Variants in NUBPL observed in about 807,000 individuals in gnomAD.
NUBPL encodes the protein NUBP iron-sulfur cluster assembly factor, mitochondrial, also known as iron-sulfur cluster transfer protein NUBPL.
In NUBPL, 31 loss-of-function variants were observed where a neutral mutation model predicts 45.7. The observed-to-expected ratio is 0.68, with a 90% CI of 0.51 to 0.92. The LOEUF (loss-of-function observed/expected upper bound fraction) is 0.92, where lower values mean the gene tolerates loss of function less well. Ranked by LOEUF, NUBPL falls within the 40% of genes least tolerant of loss-of-function variation. The probability of loss-of-function intolerance (pLI) is 0.00; values close to 1 mark genes in which losing one functional copy is unlikely to be tolerated. For missense variants in NUBPL, 401 were observed against 398.7 expected (o/e 1.01, Z -0.05); for synonymous variants, 144 against 140.9 (o/e 1.02, Z -0.15).
chr14:31,622,571 C>T (rs2035093058), intron 4 of NUBPL, among the ~76,000 whole-genome samples: 1 of 152,192 alleles, frequency 6.6e-6, no homozygotes, highest in Non-Finnish European at 1.5e-5. Context: ...AGCCTTGGGA[C>T]ATGGCACCCT....
At chr14:31,690,518 G>A (rs2037069490) in intron 6 of NUBPL, among the ~76,000 whole-genome samples, 1 of 152,092 alleles carries the variant, frequency 6.6e-6, no homozygotes, top group Admixed American at 6.6e-5. Context: ...CTAGATCAGG[G>A]GGTTGTGAGG....
rs551270104 is a variant in NUBPL, at chr14:31,758,827, A to G, written c.514-28953A>G. 3.9e-5 allele frequency among the ~76,000 whole-genome samples: 6 copies of G among 152,314 alleles called. No homozygotes were observed. The South Asian group carries it at 6.2e-4, about 16-fold the overall frequency. ...TTGAATAAAATGATCTGTTTTACTA[A>G]TGAAGTAATTTTGCATTCTACTGTT... On this transcript the variant is annotated intron_variant, in intron 6 of 10. Transcript: ENST00000281081.
chr14:31,802,553 G>A (rs1244981237), intron 7 of NUBPL, among the ~76,000 whole-genome samples: 1 of 152,190 alleles, frequency 6.6e-6, no homozygotes, highest in African/African-American at 2.4e-5. Flanking sequence ...TGGGATTACA[G>A]GCGTGAGCCA....
chr14:31,769,684 A>G (rs1334981813), intron 6 of NUBPL, among the ~76,000 whole-genome samples: 1 of 151,212 alleles, frequency 6.6e-6, no homozygotes, highest in Non-Finnish European at 1.5e-5. Context: ...CTTCTTTGTT[A>G]TTTTGGTGCT....
chr14:31,595,318 G>C (rs2034254365), intron 3 of NUBPL, among the ~76,000 whole-genome samples: 1 of 152,138 alleles, frequency 6.6e-6, no homozygotes, highest in African/African-American at 2.4e-5. Flanking sequence ...CTGTAGGAGA[G>C]TCAGAAAAAG....
intron 4 of NUBPL, among the ~76,000 whole-genome samples, chr14:31,627,884 A>G (rs1406331944): frequency 1.3e-5 from 2 of 152,170 alleles, no homozygotes; most frequent in African/African-American, 4.8e-5. Context: ...TTAATTCATT[A>G]AAATTAGGCC....
At chr14:31,807,988 GT>G (rs1399001788) in intron 7 of NUBPL, among the ~76,000 whole-genome samples, 3 of 152,180 alleles carry the variant, frequency 2.0e-5, no homozygotes, top group African/African-American at 7.2e-5. Context: ...CTATATCTCT[GT>G]TTTGGTACCA....
At chr14:31,563,509 G>C (rs916359726) in intron 2 of NUBPL, among the ~76,000 whole-genome samples, 1 of 152,124 alleles carries the variant, frequency 6.6e-6, no homozygotes, top group African/African-American at 2.4e-5. Flanking sequence ...GTCCCGAAAA[G>C]CTGGCCCATA....
In NUBPL at chr14:31,586,132, G is replaced by A. The variant is rs550451683; in HGVS notation, c.292-13157G>A. Reference sequence around the variant, plus strand: ...ACAACACAATTGAGAATATCTAAGTGATTATGGACAAATTCAGTTGAACCA... The same window carrying A: ...ACAACACAATTGAGAATATCTAAGTAATTATGGACAAATTCAGTTGAACCA... On this transcript the variant is annotated intron_variant, in intron 3 of 10. Coordinates refer to ENST00000281081, the MANE Select transcript of NUBPL (RefSeq NM_025152.3). Among the ~76,000 whole-genome samples, 4 of 152,278 alleles carry A rather than the reference G, an allele frequency of 2.6e-5. No individual in the cohort carries two copies. The South Asian group carries it at 6.2e-4, about 24-fold the overall frequency.
intron 6 of NUBPL, among the ~76,000 whole-genome samples, chr14:31,693,804 A>T (rs2037145994): frequency 6.9e-6 from 1 of 144,616 alleles, no homozygotes; most frequent in Non-Finnish European, 1.5e-5. Flanking sequence ...CAAAATTAAA[A>T]AAAAAAAAAA....
rs2040514086 is a variant in NUBPL at position 31,850,080 on chromosome 14, C to T, written c.815-39C>T. ...GTGAGATTCAAAATGCCTATATGAA[C>T]TTTTCTGGTTCTAATGGATGTCTGC... On this transcript the variant is annotated intron_variant, in intron 9 of 10. Coordinates refer to ENST00000281081, the MANE Select transcript of NUBPL (RefSeq NM_025152.3). 4 of 1,519,860 alleles carry T rather than the reference C, an allele frequency of 2.6e-6. No homozygotes were observed. In the African/African-American group the frequency reaches 5.5e-5, roughly 21 times the overall value. The allele number at this position is 1,519,860 out of a possible 1,614,324, so 94.1% of individuals were successfully genotyped here. A position where few individuals can be genotyped will look rare whatever the true frequency, so the allele number is the denominator to read the frequency against.
intron 4 of NUBPL, among the ~76,000 whole-genome samples, chr14:31,614,519 T>C (rs1783558941): frequency 6.6e-6 from 1 of 151,960 alleles, no homozygotes; most frequent in African/African-American, 2.4e-5. Context: ...AAGTAGAACA[T>C]ATTTTTAATT....
chr14:31,600,975 T>C (rs1566439305), intron 4 of NUBPL, among the ~76,000 whole-genome samples: 1 of 152,122 alleles, frequency 6.6e-6, no homozygotes, highest in Non-Finnish European at 1.5e-5. Flanking sequence ...TACATTTGGC[T>C]AGCCAGTTTT....
chr14:31,621,095 G>A (rs1380331387), intron 4 of NUBPL, among the ~76,000 whole-genome samples: 1 of 152,148 alleles, frequency 6.6e-6, no homozygotes, highest in Non-Finnish European at 1.5e-5. Flanking sequence ...GGGTAAAACC[G>A]CCTACTCAGG....
chr14:31,655,214 G>A (rs770458927), intron 4 of NUBPL, among the ~76,000 whole-genome samples: 13 of 152,292 alleles, frequency 8.5e-5, no homozygotes, highest in South Asian at 6.2e-4. Context: ...TGATAGATCC[G>A]TTAGAGGAAT....
chr14:31,662,823 C>T (rs961917081), intron 4 of NUBPL, among the ~76,000 whole-genome samples: 1 of 151,826 alleles, frequency 6.6e-6, no homozygotes, highest in Non-Finnish European at 1.5e-5. Context: ...GGGTATATAC[C>T]CAGTAATGGG....
At chr14:31,810,675 T>C (rs2039784783) in intron 7 of NUBPL, among the ~76,000 whole-genome samples, 1 of 152,194 alleles carries the variant, frequency 6.6e-6, no homozygotes, top group Non-Finnish European at 1.5e-5. Flanking sequence ...GTTAGCTGAT[T>C]ATTTTGTCCA....
chr14:31,673,436 G>T (rs1042319437), intron 5 of NUBPL, 42 bp downstream of exon 5: 6 of 1,604,146 alleles, frequency 3.7e-6, no homozygotes, highest in Admixed American at 3.3e-5. Flanking sequence ...TCAGAATAAT[G>T]TTGATTAATT....
intron 6 of NUBPL, among the ~76,000 whole-genome samples, chr14:31,765,926 C>T (rs1476455111): frequency 6.6e-6 from 1 of 152,078 alleles, no homozygotes; most frequent in African/African-American, 2.4e-5. Flanking sequence ...AAATAAGGAT[C>T]TTACAGCTTT....
Sources: allele counts gnomAD v4.1 joint callset (sites outside exome capture counted in the v4.1 genomes callset), GRCh38; gene constraint gnomAD v4.1.1; transcripts MANE v1.5; gene names NCBI Gene and HGNC (gene_info 2026-07-23, HGNC 2026-07-21).